The following DLG2 variants were observed in gnomAD, a reference collection of about 807,000 sequenced individuals.
DLG2 encodes disks large homolog 2.
DLG2 carries 45 observed loss-of-function variants against 132.5 expected under a neutral mutation model. The observed-to-expected ratio is 0.34, with a 90% CI of 0.27 to 0.44. The LOEUF is 0.44. Ranked by LOEUF, DLG2 falls within the 20% of genes least tolerant of loss-of-function variation. DLG2 has a pLI of 1.00. For missense variants in DLG2, 1,045 were observed against 1,196.9 expected (o/e 0.87, Z 1.87); for synonymous variants, 424 against 419.6 (o/e 1.01, Z -0.13).
chr11:85,613,352 G>A (rs1367634405), intron 2 of DLG2, among the ~76,000 whole-genome samples: 1 of 152,174 alleles, frequency 6.6e-6, no homozygotes, highest in East Asian at 1.9e-4. Flanking sequence ...GTTAACCTCT[G>A]GAGGACACCA....
At chr11:83,888,942 C>T (rs528198858) in intron 15 of DLG2, among the ~76,000 whole-genome samples, 126 of 152,260 alleles carry the variant, frequency 8.3e-4, no homozygotes, top group African/African-American at 2.8e-3. Context: ...TTACACCTTA[C>T]ACAAAAGTTA....
rs540668907 is a variant in DLG2, at chr11:83,957,441, C to T, written c.1340+5444G>A. 2.9e-3 allele frequency among the ~76,000 whole-genome samples: 448 copies of T among 152,214 alleles called. 3 individuals are homozygous for T. Among genetic ancestry groups the T allele is most frequent in the African/African-American group, 0.01 (422 of 41,542 alleles). On this transcript the variant is annotated intron_variant, in intron 14 of 27. Coordinates refer to ENST00000376104, the MANE Select transcript of DLG2 (RefSeq NM_001142699.3). ...TTAAACCTTGCTCTGAGATATAGCT[C>T]GGATTTCTCTATTCCTCTTCTCTTC... is the stretch of plus-strand genomic sequence containing the variant.
At chr11:84,985,991 CAAAAAAAA>C (rs71036455) in intron 6 of DLG2, among the ~76,000 whole-genome samples, 1 of 44,226 alleles carries the variant, frequency 2.3e-5, no homozygotes, top group South Asian at 2.4e-3. Flanking sequence ...GACTCCGTCT[CAAAAAAAA>C]AAAAAAAAAA....
At chr11:85,132,542 A>G (rs993930181) in intron 5 of DLG2, among the ~76,000 whole-genome samples, 2 of 152,198 alleles carry the variant, frequency 1.3e-5, no homozygotes, top group Admixed American at 6.5e-5. Flanking sequence ...AAAAACAGGC[A>G]AATTCTCCTT....
intron 7 of DLG2, among the ~76,000 whole-genome samples, chr11:84,453,031 C>T (rs562083704): frequency 6.1e-4 from 93 of 151,322 alleles, no homozygotes; most frequent in Admixed American, 1.6e-3. Flanking sequence ...GATTATCACA[C>T]GTACCCCAAA....
intron 18 of DLG2, chr11:83,693,039 G>C (rs1223591734): frequency 2.0e-5 from 3 of 152,180 alleles, no homozygotes; most frequent in South Asian, 2.1e-4. Flanking sequence ...TTGCCCATTA[G>C]CCAAGAAGAC....
rs869183421 is a variant in DLG2 at position 84,121,541 on chromosome 11, A to ATTTTTTTTTT, written c.625-22504_625-22495dup. On this transcript the variant is annotated intron_variant, in intron 9 of 27. Coordinates refer to ENST00000376104, the MANE Select transcript of DLG2 (RefSeq NM_001142699.3). ...TTACTCTCACTTATATTCCTTGCTA[A>ATTTTTTTTTT]TTTTTTTTTTTTTTTTTTTTTTTTT... Among the ~76,000 whole-genome samples, 61 of 66,682 alleles carry ATTTTTTTTTT rather than the reference A, an allele frequency of 9.1e-4. 3 individuals are homozygous for ATTTTTTTTTT. The highest frequency in any genetic ancestry group is 1.4e-3 in the Non-Finnish European group (49 of 35,700). 43.7% of individuals were successfully genotyped at this position (66,682 alleles called of 152,430 possible). A position where few individuals can be genotyped will look rare whatever the true frequency, so the allele number is the denominator to read the frequency against.
chr11:84,756,326 A>C (rs2066872621), intron 6 of DLG2, among the ~76,000 whole-genome samples: 1 of 152,224 alleles, frequency 6.6e-6, no homozygotes, highest in Non-Finnish European at 1.5e-5. Context: ...AACTGTTGAG[A>C]GACCAGGCAT....
intron 21 of DLG2, among the ~76,000 whole-genome samples, chr11:83,513,287 A>C (rs71465542): frequency 0.048 from 7,277 of 152,282 alleles, 189 homozygotes; most frequent in Middle Eastern, 0.11. Context: ...AGTGATGATG[A>C]GCATTTTTTC....
chr11:84,823,092 A>G, intron 6 of DLG2, among the ~76,000 whole-genome samples: 1 of 151,902 alleles, frequency 6.6e-6, no homozygotes. Context: ...GTGAGTGTTC[A>G]ATAAATATAA....
At chr11:84,244,282 C>T (rs992032585) in intron 8 of DLG2, among the ~76,000 whole-genome samples, 8 of 152,066 alleles carry the variant, frequency 5.3e-5, no homozygotes, top group Admixed American at 6.6e-5. Flanking sequence ...CTCCCGGGTT[C>T]AAGTGATTCT....
At chr11:84,131,596 G>A (rs1440785224) in intron 9 of DLG2, among the ~76,000 whole-genome samples, 2 of 151,902 alleles carry the variant, frequency 1.3e-5, no homozygotes, top group African/African-American at 4.8e-5. Context: ...AACCACATCT[G>A]AGTGTATTGC....
intron 6 of DLG2, among the ~76,000 whole-genome samples, chr11:84,728,189 C>T (rs1263991372): frequency 6.6e-6 from 1 of 152,086 alleles, no homozygotes; most frequent in African/African-American, 2.4e-5. Context: ...GGAATGCTTC[C>T]AGTTTTTGCC....
chr11:84,497,183 T>G (rs1216570652), intron 7 of DLG2, among the ~76,000 whole-genome samples: 1 of 152,188 alleles, frequency 6.6e-6, no homozygotes, highest in South Asian at 2.1e-4. Flanking sequence ...AATATTAGTG[T>G]CCCTTCCTCC....
chr11:85,287,339 AAAG>A (rs981909268), intron 3 of DLG2, among the ~76,000 whole-genome samples: 1 of 152,128 alleles, frequency 6.6e-6, no homozygotes, highest in African/African-American at 2.4e-5. Context: ...AAGCAAACTA[AAAG>A]AAAAGAATTG....
At chr11:84,657,520 C>T (rs767550671) in intron 6 of DLG2, among the ~76,000 whole-genome samples, 3 of 152,000 alleles carry the variant, frequency 2.0e-5, no homozygotes, top group Non-Finnish European at 2.9e-5. Flanking sequence ...ATTTTTTTCA[C>T]GAATGAGAAG....
chr11:84,446,805 G>C (rs1244027107), intron 7 of DLG2, among the ~76,000 whole-genome samples: 1 of 151,856 alleles, frequency 6.6e-6, no homozygotes, highest in African/African-American at 2.4e-5. Context: ...CAAGTGTCCT[G>C]CCCTGAATGT....
At chr11:83,937,233 C>T (rs79557781) in intron 14 of DLG2, among the ~76,000 whole-genome samples, 3,123 of 152,098 alleles carry the variant, frequency 0.021, 98 homozygotes, top group African/African-American at 0.071. Context: ...ACCAGCCGGG[C>T]GCGGTGGCTC....
At chr11:84,696,178 G>C (rs980851647) in intron 6 of DLG2, among the ~76,000 whole-genome samples, 10 of 151,502 alleles carry the variant, frequency 6.6e-5, no homozygotes, top group Non-Finnish European at 1.5e-4. Context: ...AGAAAACATA[G>C]GGCAATTTGT....
Sources: allele counts gnomAD v4.1 joint callset (sites outside exome capture counted in the v4.1 genomes callset), GRCh38; gene constraint gnomAD v4.1.1; transcripts MANE v1.5; gene names NCBI Gene and HGNC (gene_info 2026-07-23, HGNC 2026-07-21).